ZC3H3: variants seen among roughly 807,000 people sequenced by gnomAD.
ZC3H3 encodes the protein zinc finger CCCH-type containing 3, also known as zinc finger CCCH domain-containing protein 3.
In ZC3H3, 36 loss-of-function variants were observed where a neutral mutation model predicts 77.3. The observed-to-expected ratio is 0.47, with a 90% confidence interval of 0.36 to 0.61. The LOEUF (loss-of-function observed/expected upper bound fraction) is 0.61. Among genes scored for constraint, ZC3H3 ranks in the 20% least tolerant of loss-of-function variants. The probability of loss-of-function intolerance (pLI) is 0.00; values close to 1 mark genes in which losing one functional copy is unlikely to be tolerated. For missense variants in ZC3H3, 1,331 were observed against 1,312.2 expected (o/e 1.01, Z -0.22); for synonymous variants, 626 against 555.2 (o/e 1.13, Z -1.79).
intron 3 of ZC3H3, among the ~76,000 whole-genome samples, chr8:143,518,148 A>G (rs1489957459): frequency 2.0e-5 from 3 of 152,212 alleles, no homozygotes; most frequent in Admixed American, 1.3e-4. Context: ...CTCCAGGGCC[A>G]GGATGGCCTA....
chr8:143,471,919 C>T (rs995953553), intron 5 of ZC3H3, among the ~76,000 whole-genome samples: 3 of 152,224 alleles, frequency 2.0e-5, no homozygotes, highest in African/African-American at 4.8e-5. Flanking sequence ...CGAGGCGGGG[C>T]CGGTGGTGGC....
intron 5 of ZC3H3, 60 bp from the exon 6 acceptor site, chr8:143,468,719 C>T: frequency 6.6e-7 from 1 of 1,514,422 alleles, no homozygotes. Flanking sequence ...CGCCCTTTCC[C>T]TGCTGACCCC....
At chr8:143,488,957 T>G (rs554853966) in intron 4 of ZC3H3, among the ~76,000 whole-genome samples, 1 of 152,238 alleles carries the variant, frequency 6.6e-6, no homozygotes, top group Non-Finnish European at 1.5e-5. Flanking sequence ...GCTGTCCATG[T>G]TTCTGCCCGT....
At chr8:143,497,664 G>T (rs921707146) in intron 4 of ZC3H3, among the ~76,000 whole-genome samples, 1 of 152,220 alleles carries the variant, frequency 6.6e-6, no homozygotes, top group Non-Finnish European at 1.5e-5. Context: ...GCAGCCAGGG[G>T]CCAGGGCAAG....
chr8:143,514,234 C>T (rs1821960386), intron 3 of ZC3H3, among the ~76,000 whole-genome samples: 2 of 152,166 alleles, frequency 1.3e-5, no homozygotes, highest in Non-Finnish European at 2.9e-5. Context: ...GTCTCTGGCC[C>T]TCAAGTGCCA....
At chr8:143,507,717 C>G (rs746502757) in intron 4 of ZC3H3, 29 bp downstream of exon 4, 31 of 1,529,112 alleles carry the variant, frequency 2.0e-5, no homozygotes, top group Middle Eastern at 4.3e-4. Context: ...GTTCCCAGGC[C>G]TGCAGGAGCC....
chr8:143,495,964 T>C (rs545604948), intron 4 of ZC3H3, among the ~76,000 whole-genome samples: 12 of 152,114 alleles, frequency 7.9e-5, no homozygotes, highest in Non-Finnish European at 1.3e-4. Flanking sequence ...AAATTCTACC[T>C]AGAAAAGAAC....
chr8:143,538,347 G>C lies in ZC3H3; in HGVS notation c.1020C>G (p.Ala340=), dbSNP rs753500186. Residue 340 remains alanine (A), a synonymous_variant, in exon 2 of 12, where the codon GCC becomes GCG. Coordinates refer to ENST00000262577, the MANE Select transcript of ZC3H3 (RefSeq NM_015117.3). ...PRVAAENVCK[A]SAGMANKVEK... ...CCACCTTGTTTGCCATGCCAGCAGA[G>C]GCCTTGCACACATTCTCTGCAGCCA... 1 of 1,613,026 alleles carries C rather than the reference G, an allele frequency of 6.2e-7. No individual in the cohort carries two copies. The highest frequency in any genetic ancestry group is 1.7e-5 in the Admixed American group (1 of 60,028).
At chr8:143,492,609 C>T (rs1022933607) in intron 4 of ZC3H3, among the ~76,000 whole-genome samples, 6 of 151,596 alleles carry the variant, frequency 4.0e-5, no homozygotes, top group Admixed American at 1.3e-4. Flanking sequence ...GGCCTCACCT[C>T]GCACCCACAC....
intron 8 of ZC3H3, among the ~76,000 whole-genome samples, chr8:143,466,250 A>G (rs1421614129): frequency 6.6e-6 from 1 of 152,062 alleles, no homozygotes; most frequent in Non-Finnish European, 1.5e-5. Context: ...ACCAGTGTCT[A>G]GGTGGGAGGA....
chr8:143,444,706 TA>T (rs1819824625), intron 9 of ZC3H3, among the ~76,000 whole-genome samples: 1 of 152,228 alleles, frequency 6.6e-6, no homozygotes, highest in East Asian at 1.9e-4. Flanking sequence ...TGATTGAAGG[TA>T]ACTTCCTCAG....
intron 5 of ZC3H3, among the ~76,000 whole-genome samples, chr8:143,473,237 T>C (rs1820626738): frequency 1.3e-5 from 2 of 152,178 alleles, no homozygotes; most frequent in South Asian, 2.1e-4. Context: ...CACAGGGTCC[T>C]GCGATGCCTC....
intron 4 of ZC3H3, among the ~76,000 whole-genome samples, chr8:143,505,999 T>C (rs982594561): frequency 7.2e-5 from 11 of 152,210 alleles, no homozygotes; most frequent in African/African-American, 2.7e-4. Context: ...GCTGACCCGC[T>C]GCTCTCAGCC....
chr8:143,502,934 G>A (rs184341367), intron 4 of ZC3H3, among the ~76,000 whole-genome samples: 264 of 152,346 alleles, frequency 1.7e-3, no homozygotes, highest in Middle Eastern at 0.01. Flanking sequence ...GGCCAAGGCC[G>A]GCTCTCAGGG....
intron 4 of ZC3H3, among the ~76,000 whole-genome samples, chr8:143,492,623 C>A (rs1278122937): frequency 6.6e-6 from 1 of 152,222 alleles, no homozygotes; most frequent in African/African-American, 2.4e-5. Flanking sequence ...CCCACACCTG[C>A]GTGGGCACCT....
chr8:143,468,417 G>T lies in ZC3H3; in HGVS notation c.2070C>A (p.Tyr690Ter). ...CGGCCACCTTCTCGGGATCGTGGAT[G>T]TAGGGGCAGCGCTCGCCACGGTTGC... is the stretch of plus-strand genomic sequence containing the variant. ...GRCNRGERCP[Y>*]IHDPEKVAVC... The change falls in exon 7 of 12, where the codon TAC becomes TAA. Residue 690 changes from tyrosine to a stop codon, truncating the protein, a stop_gained. Transcript: ENST00000262577. LOFTEE classifies it high-confidence loss of function. The T allele has an allele frequency of 6.2e-7, 1 of 1,612,212 alleles. No homozygotes were observed. The highest frequency in any genetic ancestry group is 8.5e-7 in the Non-Finnish European group (1 of 1,179,642).
rs1039143224 is a variant in ZC3H3 at position 143,471,453 on chromosome 8, C to T, written c.1904-2794G>A. Reference sequence around the variant, plus strand: ...AGCTGGCCCACAGCAGGGAGGGCCACGGCCACAGGTGGCTGGGGGCTTTGG... The same window carrying T: ...AGCTGGCCCACAGCAGGGAGGGCCATGGCCACAGGTGGCTGGGGGCTTTGG... On this transcript the variant is annotated intron_variant, in intron 5 of 11. Transcript: ENST00000262577. Among the ~76,000 whole-genome samples the T allele has an allele frequency of 4.6e-5, 7 of 152,240 alleles. 1 individual carries two copies. Among genetic ancestry groups the T allele is most frequent in the South Asian group, 4.1e-4 (2 of 4,838 alleles).
At chr8:143,501,404 A>G (rs928118215) in intron 4 of ZC3H3, among the ~76,000 whole-genome samples, 1 of 152,026 alleles carries the variant, frequency 6.6e-6, no homozygotes, top group Non-Finnish European at 1.5e-5. Flanking sequence ...GGGTCTCACC[A>G]TGTTGCCCGA....
chr8:143,472,025 C>G (rs1820580800), intron 5 of ZC3H3, among the ~76,000 whole-genome samples: 1 of 152,036 alleles, frequency 6.6e-6, no homozygotes, highest in African/African-American at 2.4e-5. Flanking sequence ...CAGTCGCCAC[C>G]AAGGCTGGCC....
Sources: gnomAD v4.1 joint callset for allele counts (sites outside exome capture counted in the v4.1 genomes callset) on GRCh38, gnomAD v4.1.1 for gene constraint, MANE v1.5 for transcripts, NCBI Gene and HGNC (gene_info 2026-07-23, HGNC 2026-07-21) for gene names.